AGBL4: variants seen among roughly 807,000 people sequenced by gnomAD.
AGBL4 encodes the protein AGBL carboxypeptidase 4.
A neutral mutation model predicts 66.4 loss-of-function variants in AGBL4; 58 were observed. The observed-to-expected ratio is 0.87, with a 90% CI of 0.71 to 1.09. AGBL4 has a LOEUF of 1.09. Ranked by LOEUF, AGBL4 falls within the 50% of genes least tolerant of loss-of-function variation. AGBL4 has a pLI of 0.00. For missense variants in AGBL4, 579 were observed against 631.0 expected, an observed-to-expected ratio of 0.92 and a Z score of 0.88; for synonymous variants, 234 against 222.9, an observed-to-expected ratio of 1.05 and a Z score of -0.44.
rs1281176502 is a variant in AGBL4, at chr1:48,590,943, T to C, written c.994A>G (p.Thr332Ala). The change falls in exon 10 of 14, where the codon ACC becomes GCC. Residue 332 changes from threonine to alanine, a missense_variant. Transcript: ENST00000371839. Reference protein sequence around the residue: ...EFYIDIHAHSTMMNGFMYGNI... With the variant: ...EFYIDIHAHSAMMNGFMYGNI... ...CCATACATGAAGCCATTCATCATGG[T>C]GGAGTGGGCATGGATGTCAATATAA... 5 of 1,610,776 alleles carry C rather than the reference T, an allele frequency of 3.1e-6. No homozygotes were observed. Among genetic ancestry groups the C allele is most frequent in the Non-Finnish European group, 4.2e-6 (5 of 1,178,788 alleles).
intron 9 of AGBL4, among the ~76,000 whole-genome samples, chr1:48,603,686 T>C (rs1645109711): frequency 1.3e-5 from 2 of 152,102 alleles, no homozygotes; most frequent in Non-Finnish European, 2.9e-5. Context: ...TTTAGCAAGA[T>C]TGTTCTGGAG....
intron 2 of AGBL4, among the ~76,000 whole-genome samples, chr1:49,767,591 A>G (rs1361253089): frequency 1.3e-5 from 2 of 152,126 alleles, no homozygotes; most frequent in Non-Finnish European, 2.9e-5. Context: ...CGGAAAAAAA[A>G]AGAAGTAAAA....
chr1:49,192,894 T>C (rs905784565), intron 4 of AGBL4, among the ~76,000 whole-genome samples: 1 of 152,210 alleles, frequency 6.6e-6, no homozygotes, highest in African/African-American at 2.4e-5. Flanking sequence ...ACTGCTTCAA[T>C]TTCCTACTCA....
chr1:49,691,970 A>C (rs565101703), intron 3 of AGBL4, among the ~76,000 whole-genome samples: 69 of 152,166 alleles, frequency 4.5e-4, no homozygotes, highest in African/African-American at 1.6e-3. Context: ...ATGTGAGTTA[A>C]TACTTAATAA....
intron 4 of AGBL4, among the ~76,000 whole-genome samples, chr1:49,127,225 C>T (rs1645783424): frequency 6.6e-6 from 1 of 152,110 alleles, no homozygotes; most frequent in African/African-American, 2.4e-5. Context: ...AGAAGAGGGA[C>T]CCAAGCATAG....
chr1:49,243,912 G>C (rs1651431576), intron 4 of AGBL4, among the ~76,000 whole-genome samples: 1 of 151,782 alleles, frequency 6.6e-6, no homozygotes, highest in Admixed American at 6.6e-5. Context: ...CATTAGAGGA[G>C]TCCAATGACT....
chr1:49,510,660 T>G (rs1176209313), intron 3 of AGBL4, among the ~76,000 whole-genome samples: 1 of 150,368 alleles, frequency 6.7e-6, no homozygotes, highest in African/African-American at 2.4e-5. Context: ...TCCTTGCCCA[T>G]GCCTATGTCC....
intron 2 of AGBL4, among the ~76,000 whole-genome samples, chr1:49,802,802 G>A (rs80187112): frequency 0.053 from 8,063 of 152,078 alleles, 240 homozygotes; most frequent in African/African-American, 0.071. Context: ...CTATCCATCC[G>A]CCTGGGAACA....
At chr1:49,853,623 A>T (rs1646360306) in intron 1 of AGBL4, among the ~76,000 whole-genome samples, 1 of 152,078 alleles carries the variant, frequency 6.6e-6, no homozygotes, top group Admixed American at 6.6e-5. Context: ...AATGAAAGAT[A>T]TTGAGGTACA....
intron 6 of AGBL4, among the ~76,000 whole-genome samples, chr1:48,773,306 G>A: frequency 6.6e-6 from 1 of 152,130 alleles, no homozygotes; most frequent in Non-Finnish European, 1.5e-5. Context: ...ATTGCAGTTA[G>A]ATGATGGTGA....
At chr1:48,646,287 C>T (rs548744341) in intron 8 of AGBL4, among the ~76,000 whole-genome samples, 14 of 152,180 alleles carry the variant, frequency 9.2e-5, no homozygotes, top group Middle Eastern at 3.4e-3. Flanking sequence ...AGAGTGATGA[C>T]GGGCTGGCAG....
chr1:49,192,626 G>A (rs1647143584), intron 4 of AGBL4, among the ~76,000 whole-genome samples: 1 of 152,162 alleles, frequency 6.6e-6, no homozygotes, highest in Admixed American at 6.6e-5. Context: ...AAACATGTTG[G>A]CTTGTATGTC....
chr1:49,018,723 T>A (rs1250004537), intron 5 of AGBL4, among the ~76,000 whole-genome samples: 3 of 152,190 alleles, frequency 2.0e-5, no homozygotes, highest in Non-Finnish European at 4.4e-5. Context: ...GCTTGATTCC[T>A]CTCTTTTCCT....
chr1:49,967,725 C>G (rs1657685548), intron 1 of AGBL4, among the ~76,000 whole-genome samples: 1 of 152,122 alleles, frequency 6.6e-6, no homozygotes, highest in Non-Finnish European at 1.5e-5. Context: ...ACTATCCTAA[C>G]AAGCTTAAGG....
intron 5 of AGBL4, among the ~76,000 whole-genome samples, chr1:48,937,051 A>G (rs1021543424): frequency 5.9e-5 from 9 of 152,226 alleles, no homozygotes; most frequent in African/African-American, 2.2e-4. Context: ...TCCTTGACAG[A>G]CAGGTAAATC....
intron 2 of AGBL4, among the ~76,000 whole-genome samples, chr1:49,820,118 A>G (rs1302458121): frequency 2.6e-5 from 4 of 152,196 alleles, no homozygotes; most frequent in Non-Finnish European, 5.9e-5. Flanking sequence ...TGGTACCCAG[A>G]CATTTAAAAA....
At chr1:49,439,820 C>T (rs1645984704) in intron 3 of AGBL4, among the ~76,000 whole-genome samples, 2 of 152,158 alleles carry the variant, frequency 1.3e-5, no homozygotes, top group Admixed American at 6.5e-5. Flanking sequence ...GACTGGCTTT[C>T]CTTGCTCCTC....
rs185437734 is a variant in AGBL4, at chr1:49,039,610, C to A, written c.594+5974G>T. Reference sequence around the variant, plus strand: ...CCTGAGTAAAGATTAGTCTTTTCAACAAGCGGTGCTGGAAAAATTTGTTAT... The same window carrying A: ...CCTGAGTAAAGATTAGTCTTTTCAAAAAGCGGTGCTGGAAAAATTTGTTAT... On this transcript the variant is annotated intron_variant, in intron 5 of 13. Transcript: ENST00000371839. 2.7e-3 allele frequency among the ~76,000 whole-genome samples: 408 copies of A among 152,196 alleles called. 1 individual carries two copies. The highest frequency in any genetic ancestry group is 9.3e-3 in the African/African-American group (387 of 41,566).
At chr1:49,430,378 C>T (rs902964383) in intron 3 of AGBL4, among the ~76,000 whole-genome samples, 9 of 152,242 alleles carry the variant, frequency 5.9e-5, no homozygotes, top group Admixed American at 4.6e-4. Context: ...GCATGTTGTA[C>T]TGTATTATCA....
Sources: allele counts gnomAD v4.1 joint callset (sites outside exome capture counted in the v4.1 genomes callset), GRCh38; gene constraint gnomAD v4.1.1; transcripts MANE v1.5; gene names NCBI Gene and HGNC (gene_info 2026-07-23, HGNC 2026-07-21).